Variants in DOCK3 observed in about 807,000 individuals in gnomAD.
DOCK3 encodes dedicator of cytokinesis 3.
DOCK3 carries 60 observed loss-of-function variants against 265.6 expected under a neutral mutation model. That is an observed-to-expected ratio of 0.23 (90% CI 0.18 to 0.28). DOCK3 has a LOEUF of 0.28. DOCK3 is among the 10% of genes least tolerant of loss of function. DOCK3 has a pLI of 1.00. For synonymous variants in DOCK3, 881 were observed against 938.0 expected (o/e 0.94, Z 1.11); for missense variants, 1,981 against 2,594.3 (o/e 0.76, Z 5.14).
At chr3:51,324,958 A>C (rs942860815) in intron 32 of DOCK3, among the ~76,000 whole-genome samples, 1 of 152,256 alleles carries the variant, frequency 6.6e-6, no homozygotes, top group Non-Finnish European at 1.5e-5. Context: ...ATAAAACCTT[A>C]AAAACCCTAG....
chr3:50,811,053 A>G (rs2043723609), intron 2 of DOCK3, among the ~76,000 whole-genome samples: 1 of 152,220 alleles, frequency 6.6e-6, no homozygotes, highest in African/African-American at 2.4e-5. Flanking sequence ...TACAACAAAG[A>G]TAAGCAATCA....
rs966638772 is a variant in DOCK3 at position 50,905,575 on chromosome 3, G to T, written c.218+15494G>T. 3.6e-4 allele frequency among the ~76,000 whole-genome samples: 54 copies of T among 152,018 alleles called. 1 individual carries two copies. The highest frequency in any genetic ancestry group is 1.2e-3 in the African/African-American group (51 of 41,314). ...TTGGCTCTCTGTTTGTCTGTTATTG[G>T]TGTAGAGGAATGCTTGTGATTTTTG... On this transcript the variant is annotated intron_variant, in intron 4 of 52. Coordinates refer to ENST00000266037, the MANE Select transcript of DOCK3 (RefSeq NM_004947.5).
At chr3:51,352,823 A>G (rs951430989) in intron 40 of DOCK3, among the ~76,000 whole-genome samples, 4 of 152,156 alleles carry the variant, frequency 2.6e-5, no homozygotes, top group Admixed American at 2.6e-4. Flanking sequence ...GGGATGCTGG[A>G]GCTCTTGCCC....
At chr3:51,284,811 A>G (rs1400149146) in intron 27 of DOCK3, among the ~76,000 whole-genome samples, 2 of 152,200 alleles carry the variant, frequency 1.3e-5, no homozygotes, top group Non-Finnish European at 2.9e-5. Flanking sequence ...CACAACTTCT[A>G]TAGCTCCCAC....
chr3:51,269,395 T>C (rs1300962380), intron 23 of DOCK3, among the ~76,000 whole-genome samples: 1 of 152,120 alleles, frequency 6.6e-6, no homozygotes, highest in Non-Finnish European at 1.5e-5. Flanking sequence ...GCTTTGTCTT[T>C]TATATCTAAG....
chr3:51,369,970 C>G (rs2087552438), intron 49 of DOCK3, among the ~76,000 whole-genome samples: 1 of 152,198 alleles, frequency 6.6e-6, no homozygotes, highest in African/African-American at 2.4e-5. Context: ...AGCATGGACT[C>G]TGAGGTCAGA....
intron 37 of DOCK3, among the ~76,000 whole-genome samples, chr3:51,339,481 T>C (rs1211001702): frequency 1.3e-5 from 2 of 152,224 alleles, no homozygotes; most frequent in Non-Finnish European, 2.9e-5. Flanking sequence ...CCTTGCAGGC[T>C]AGGCTCTTCA....
At chr3:51,050,357 A>C (rs1280129280) in intron 5 of DOCK3, among the ~76,000 whole-genome samples, 1 of 152,208 alleles carries the variant, frequency 6.6e-6, no homozygotes, top group Non-Finnish European at 1.5e-5. Flanking sequence ...ACTACACTCC[A>C]GTCCAGATTA....
chr3:51,352,767 G>A (rs898977940), intron 40 of DOCK3, among the ~76,000 whole-genome samples: 3 of 152,222 alleles, frequency 2.0e-5, no homozygotes, highest in African/African-American at 7.2e-5. Flanking sequence ...CTTGCCCATG[G>A]TGGGAATCAG....
chr3:50,980,799 A>C (rs1575670997), intron 5 of DOCK3, among the ~76,000 whole-genome samples: 1 of 151,820 alleles, frequency 6.6e-6, no homozygotes, highest in Admixed American at 6.6e-5. Context: ...ATCAGCTATA[A>C]TATCTCCTTT....
At chr3:50,690,862 C>G (rs1576109675) in intron 1 of DOCK3, among the ~76,000 whole-genome samples, 1 of 151,958 alleles carries the variant, frequency 6.6e-6, no homozygotes, top group East Asian at 2.0e-4. Flanking sequence ...AAGCTGGTCT[C>G]AAACTCCTGA....
At chr3:50,715,472 G>A (rs1477264280) in intron 1 of DOCK3, among the ~76,000 whole-genome samples, 5 of 152,008 alleles carry the variant, frequency 3.3e-5, no homozygotes, top group African/African-American at 1.2e-4. Context: ...GATCACTTGA[G>A]CCTTGGAGGT....
At chr3:51,354,431 G>T (rs1347764357) in intron 40 of DOCK3, among the ~76,000 whole-genome samples, 1 of 152,148 alleles carries the variant, frequency 6.6e-6, no homozygotes, top group Admixed American at 6.6e-5. Context: ...GCTTCTACCA[G>T]TTCTCTACAC....
rs1331427078 is a variant in DOCK3 at position 51,180,222 on chromosome 3, A to AC, written c.1037+19520_1037+19521insC. ...GACCCTGTCTCAAAAAAAAAAAAAA[A>AC]AAAACACACACACACACACAAGTGC... On this transcript the variant is annotated intron_variant, in intron 12 of 52. Coordinates refer to ENST00000266037, the MANE Select transcript of DOCK3 (RefSeq NM_004947.5). Among the ~76,000 whole-genome samples, 12 of 149,132 alleles carry AC rather than the reference A, an allele frequency of 8.0e-5. No individual in the cohort carries two copies. In the South Asian group the frequency reaches 1.3e-3, roughly 16 times the overall value.
intron 10 of DOCK3, among the ~76,000 whole-genome samples, chr3:51,147,731 A>T (rs1260970011): frequency 9.9e-5 from 15 of 152,168 alleles, no homozygotes; most frequent in Non-Finnish European, 2.2e-4. Flanking sequence ...TTCTTAATCC[A>T]GTCTGTAATT....
chr3:50,927,247 CTTAAA>C (rs957588708), intron 4 of DOCK3, among the ~76,000 whole-genome samples: 16 of 152,262 alleles, frequency 1.1e-4, no homozygotes, highest in African/African-American at 3.6e-4. Context: ...CCCTCACTGA[CTTAAA>C]ACTGGATGCT....
At chr3:50,722,239 A>G (rs1344303159) in intron 1 of DOCK3, among the ~76,000 whole-genome samples, 1 of 152,218 alleles carries the variant, frequency 6.6e-6, no homozygotes, top group East Asian at 1.9e-4. Context: ...AAGTACAGAA[A>G]GCCTGGGGCA....
intron 2 of DOCK3, among the ~76,000 whole-genome samples, chr3:50,812,331 C>T (rs1455422947): frequency 1.3e-5 from 2 of 152,208 alleles, no homozygotes; most frequent in East Asian, 3.8e-4. Flanking sequence ...ATCCCTTCAG[C>T]ACCCTCTCTT....
At chr3:50,913,156 G>A (rs756678866) in intron 4 of DOCK3, among the ~76,000 whole-genome samples, 3 of 152,166 alleles carry the variant, frequency 2.0e-5, no homozygotes, top group African/African-American at 7.2e-5. Context: ...GGGCTTTTCA[G>A]TTAGCAGGTG....
Sources: gnomAD v4.1 joint callset for allele counts (sites outside exome capture counted in the v4.1 genomes callset) on GRCh38, gnomAD v4.1.1 for gene constraint, MANE v1.5 for transcripts, NCBI Gene and HGNC (gene_info 2026-07-23, HGNC 2026-07-21) for gene names.